DLG2: variants seen among roughly 807,000 people sequenced by gnomAD.
DLG2 encodes discs large MAGUK scaffold protein 2, also known as disks large homolog 2.
In DLG2, 45 loss-of-function variants were observed where a neutral mutation model predicts 132.5. That is an observed-to-expected ratio of 0.34 (90% CI 0.27 to 0.44). DLG2 has a LOEUF of 0.44. Among genes scored for constraint, DLG2 ranks in the 20% least tolerant of loss-of-function variants. The pLI is 1.00. For synonymous variants in DLG2, 424 were observed against 419.6 expected, an observed-to-expected ratio of 1.01 and a Z score of -0.13; for missense variants, 1,045 against 1,196.9, an observed-to-expected ratio of 0.87 and a Z score of 1.87.
chr11:84,822,242 ACTC>A (rs1319765064), intron 6 of DLG2, among the ~76,000 whole-genome samples: 1 of 151,678 alleles, frequency 6.6e-6, no homozygotes, highest in Non-Finnish European at 1.5e-5. Context: ...AAACTAATTA[ACTC>A]CTCCTCCTAC....
intron 8 of DLG2, among the ~76,000 whole-genome samples, chr11:84,233,504 A>G (rs2097121673): frequency 6.6e-6 from 1 of 152,228 alleles, no homozygotes. Flanking sequence ...TGGATGCTCC[A>G]TCTTCCCTTT....
intron 3 of DLG2, among the ~76,000 whole-genome samples, chr11:85,507,597 C>T (rs1352838875): frequency 1.3e-5 from 2 of 152,188 alleles, no homozygotes; most frequent in South Asian, 2.1e-4. Context: ...GTCTGATGGG[C>T]TTCCCTTTTT....
At chr11:85,447,676 A>G (rs891121557) in intron 3 of DLG2, among the ~76,000 whole-genome samples, 4 of 152,152 alleles carry the variant, frequency 2.6e-5, no homozygotes, top group Admixed American at 2.6e-4. Flanking sequence ...ACTAATACAT[A>G]TTTCATGATT....
intron 18 of DLG2, among the ~76,000 whole-genome samples, chr11:83,752,336 T>C (rs1419555095): frequency 6.7e-6 from 1 of 149,188 alleles, no homozygotes; most frequent in Non-Finnish European, 1.5e-5. Context: ...ACAATGAAGG[T>C]GAACTTCCTT....
intron 18 of DLG2, among the ~76,000 whole-genome samples, chr11:83,722,304 T>C (rs1288008610): frequency 1.3e-5 from 2 of 152,136 alleles, no homozygotes; most frequent in African/African-American, 4.8e-5. Flanking sequence ...GTGCCAAGCA[T>C]AAGAAGACAT....
intron 7 of DLG2, among the ~76,000 whole-genome samples, chr11:84,365,035 T>A (rs906024665): frequency 2.0e-5 from 3 of 152,104 alleles, no homozygotes; most frequent in Non-Finnish European, 4.4e-5. Flanking sequence ...ATAAAATGAG[T>A]TAGGGAGGAT....
chr11:85,569,877 G>C (rs1228745730), intron 3 of DLG2, among the ~76,000 whole-genome samples: 3 of 152,108 alleles, frequency 2.0e-5, no homozygotes, highest in Non-Finnish European at 4.4e-5. Flanking sequence ...CCATTACTGG[G>C]TATATACCCA....
At chr11:84,118,787 T>G (rs2093763711) in intron 9 of DLG2, among the ~76,000 whole-genome samples, 1 of 152,198 alleles carries the variant, frequency 6.6e-6, no homozygotes, top group South Asian at 2.1e-4. Flanking sequence ...AAAGATATTT[T>G]CCAGTCACTT....
At chr11:84,842,327 T>G (rs1458284636) in intron 6 of DLG2, among the ~76,000 whole-genome samples, 1 of 152,004 alleles carries the variant, frequency 6.6e-6, no homozygotes, top group African/African-American at 2.4e-5. Flanking sequence ...AAACTGAGAT[T>G]CAAGTAATTT....
intron 6 of DLG2, among the ~76,000 whole-genome samples, chr11:84,712,166 G>A (rs2060523670): frequency 6.6e-6 from 1 of 152,014 alleles, no homozygotes; most frequent in Non-Finnish European, 1.5e-5. Context: ...CAAGGCAAAA[G>A]GCTTCTTAAA....
At chr11:83,620,641 C>T (rs1203582866) in intron 19 of DLG2, among the ~76,000 whole-genome samples, 2 of 151,748 alleles carry the variant, frequency 1.3e-5, no homozygotes, top group South Asian at 2.1e-4. Flanking sequence ...AAGGCCGAGG[C>T]GGGCGGATCA....
intron 7 of DLG2, among the ~76,000 whole-genome samples, chr11:84,380,543 G>T (rs955102844): frequency 6.6e-6 from 1 of 151,754 alleles, no homozygotes; most frequent in Non-Finnish European, 1.5e-5. Context: ...CAATAATACT[G>T]AATATTACAA....
At chr11:84,565,411 C>A (rs1386888910) in intron 6 of DLG2, among the ~76,000 whole-genome samples, 2 of 152,136 alleles carry the variant, frequency 1.3e-5, no homozygotes, top group Non-Finnish European at 2.9e-5. Context: ...ATAGGTACAA[C>A]AATTTCCACC....
chr11:83,917,546 A>T (rs1473124042), intron 15 of DLG2, among the ~76,000 whole-genome samples: 5 of 152,194 alleles, frequency 3.3e-5, no homozygotes, highest in Non-Finnish European at 7.4e-5. Flanking sequence ...CCTAACTCTG[A>T]AATCAAAAAA....
chr11:85,557,656 C>T (rs910775169), intron 3 of DLG2, among the ~76,000 whole-genome samples: 2 of 151,770 alleles, frequency 1.3e-5, no homozygotes, highest in Admixed American at 6.6e-5. Flanking sequence ...AGCCACATAC[C>T]TGCAGCCTTC....
chr11:85,383,354 C>T (rs546350301), intron 3 of DLG2, among the ~76,000 whole-genome samples: 11 of 152,114 alleles, frequency 7.2e-5, no homozygotes, highest in Middle Eastern at 3.4e-3. Flanking sequence ...TGAGGATCCT[C>T]GGGGGTGATA....
intron 17 of DLG2, among the ~76,000 whole-genome samples, chr11:83,798,670 G>A (rs1304752296): frequency 6.6e-6 from 1 of 152,148 alleles, no homozygotes; most frequent in Non-Finnish European, 1.5e-5. Flanking sequence ...CACAGTTGGG[G>A]GTCTGGGTGC....
intron 4 of DLG2, among the ~76,000 whole-genome samples, chr11:85,186,452 C>A (rs1336147423): frequency 6.6e-6 from 1 of 151,814 alleles, no homozygotes; most frequent in African/African-American, 2.4e-5. Flanking sequence ...TTAACTCATG[C>A]CTGATAAGTA....
intron 19 of DLG2, among the ~76,000 whole-genome samples, chr11:83,569,813 G>A (rs947770158): frequency 6.6e-6 from 1 of 152,220 alleles, no homozygotes; most frequent in African/African-American, 2.4e-5. Context: ...GCCATGGCAG[G>A]GGCCATGTGG....
Sources: gnomAD v4.1 joint callset for allele counts (sites outside exome capture counted in the v4.1 genomes callset) on GRCh38, gnomAD v4.1.1 for gene constraint, MANE v1.5 for transcripts, NCBI Gene and HGNC (gene_info 2026-07-23, HGNC 2026-07-21) for gene names.